SEPTIN7: variants seen among roughly 807,000 people sequenced by gnomAD.
The protein encoded by SEPTIN7 is septin-7.
In SEPTIN7, 10 loss-of-function variants were observed where a neutral mutation model predicts 63.3. The observed-to-expected ratio is 0.16, with a 90% CI of 0.10 to 0.27. The LOEUF (loss-of-function observed/expected upper bound fraction) is 0.27. Ranked by LOEUF, SEPTIN7 falls within the 10% of genes least tolerant of loss-of-function variation. The pLI is 1.00. For synonymous variants in SEPTIN7, 131 were observed against 165.3 expected (o/e 0.79, Z 1.59); for missense variants, 310 against 521.0 (o/e 0.59, Z 3.94).
chr7:35,857,229 T>C (rs1006308402), intron 3 of SEPTIN7, among the ~76,000 whole-genome samples: 5 of 152,150 alleles, frequency 3.3e-5, no homozygotes, highest in African/African-American at 1.2e-4. Flanking sequence ...CAAGAATAAA[T>C]GTGGAGTTGA....
chr7:35,859,115 C>T (rs1334663473), intron 3 of SEPTIN7, among the ~76,000 whole-genome samples: 1 of 151,680 alleles, frequency 6.6e-6, no homozygotes, highest in Non-Finnish European at 1.5e-5. Flanking sequence ...TTTTTAAAAT[C>T]TTCATTTTTA....
At chr7:35,840,680 G>A (rs1425390540) in intron 3 of SEPTIN7, among the ~76,000 whole-genome samples, 1 of 152,052 alleles carries the variant, frequency 6.6e-6, no homozygotes, top group Non-Finnish European at 1.5e-5. Flanking sequence ...TGTATTTGAA[G>A]GTTAGGCTAT....
chr7:35,868,237 G>A (rs1230174059), intron 4 of SEPTIN7, among the ~76,000 whole-genome samples: 1 of 152,080 alleles, frequency 6.6e-6, no homozygotes, highest in African/African-American at 2.4e-5. Flanking sequence ...AGTGAGAAAA[G>A]GTGAAAGCAG....
At chr7:35,812,268 C>G (rs573913470) in intron 1 of SEPTIN7, among the ~76,000 whole-genome samples, 46 of 151,818 alleles carry the variant, frequency 3.0e-4, no homozygotes, top group Non-Finnish European at 3.5e-4. Context: ...GTGCATGGTG[C>G]TGTGCTGTTA....
chr7:35,844,267 A>G (rs940602046), intron 3 of SEPTIN7, among the ~76,000 whole-genome samples: 10 of 152,206 alleles, frequency 6.6e-5, no homozygotes, highest in Middle Eastern at 3.2e-3. Flanking sequence ...AGGAGTTTTT[A>G]TTTAGATTTA....
chr7:35,852,111 T>G (rs1258473173), intron 3 of SEPTIN7, among the ~76,000 whole-genome samples: 1 of 152,210 alleles, frequency 6.6e-6, no homozygotes. Context: ...TACATTTCAT[T>G]GCAACTACCT....
rs551150731 is a variant in SEPTIN7 at position 35,905,996 on chromosome 7, A to G, written c.*1703A>G. 6 of 152,338 alleles carry G rather than the reference A, an allele frequency of 3.9e-5. No individual in the cohort carries two copies. Among genetic ancestry groups the G allele is most frequent in the Admixed American group, 6.5e-5 (1 of 15,302 alleles). The allele number at this position is 152,338 out of a possible 1,614,324, so 9.4% of individuals were successfully genotyped here. A position where few individuals can be genotyped will look rare whatever the true frequency, so the allele number is the denominator to read the frequency against. On this transcript the variant is annotated 3_prime_UTR_variant, in exon 14 of 14. Coordinates refer to ENST00000350320, the MANE Select transcript of SEPTIN7 (RefSeq NM_001788.6). ...AAGCGGAGGGAATAATTATAAGTCAATAGCAGAGAGATTGTTGTTTGGGTG... is the reference window on the plus strand; with the variant it reads ...AAGCGGAGGGAATAATTATAAGTCAGTAGCAGAGAGATTGTTGTTTGGGTG...
chr7:35,856,695 C>A (rs1050423709), intron 3 of SEPTIN7, among the ~76,000 whole-genome samples: 4 of 152,142 alleles, frequency 2.6e-5, no homozygotes. Context: ...GGATCATTTC[C>A]CCTGTGGCAT....
chr7:35,892,798 T>A (rs1787726621), intron 11 of SEPTIN7, among the ~76,000 whole-genome samples: 1 of 152,116 alleles, frequency 6.6e-6, no homozygotes, highest in Admixed American at 6.5e-5. Context: ...TGGAAATATA[T>A]CTCTTAAAGA....
intron 4 of SEPTIN7, among the ~76,000 whole-genome samples, chr7:35,867,044 T>A (rs1220980854): frequency 6.6e-6 from 1 of 152,168 alleles, no homozygotes; most frequent in African/African-American, 2.4e-5. Flanking sequence ...GCAAACTGGT[T>A]TTATCCTGTG....
intron 7 of SEPTIN7, among the ~76,000 whole-genome samples, chr7:35,880,538 C>G (rs1193501594): frequency 6.6e-6 from 1 of 151,906 alleles, no homozygotes; most frequent in Non-Finnish European, 1.5e-5. Context: ...AACATCTGCT[C>G]AAATCCTTTG....
intron 3 of SEPTIN7, chr7:35,846,830 C>G (rs1330846615): frequency 6.6e-6 from 1 of 152,364 alleles, no homozygotes; most frequent in Admixed American, 6.6e-5. Context: ...CCAAGGGGGC[C>G]CATAACTCCA....
chr7:35,910,064 C>T (rs1788713164), downstream of SEPTIN7, among the ~76,000 whole-genome samples: 1 of 152,198 alleles, frequency 6.6e-6, no homozygotes, highest in South Asian at 2.1e-4. Context: ...CCACATGGAC[C>T]TCTCCACAGG....
chr7:35,880,008 G>T, intron 7 of SEPTIN7, 68 bp downstream of exon 7: 1 of 828,588 alleles, frequency 1.2e-6, no homozygotes, highest in Non-Finnish European at 2.0e-6. Context: ...ACTATTTTTA[G>T]TATAATGTGT....
chr7:35,859,789 T>C (rs1220521466), intron 3 of SEPTIN7, among the ~76,000 whole-genome samples: 1 of 152,232 alleles, frequency 6.6e-6, no homozygotes, highest in African/African-American at 2.4e-5. Flanking sequence ...TTGTCTGATA[T>C]TAGTGTGGCT....
chr7:35,894,723 C>T (rs951014729), intron 11 of SEPTIN7, among the ~76,000 whole-genome samples: 10 of 152,110 alleles, frequency 6.6e-5, no homozygotes, highest in African/African-American at 7.2e-5. Context: ...CACATAGTGA[C>T]CTACTAACCA....
rs1787924756 is a variant in SEPTIN7 at position 35,801,136 on chromosome 7, G to GGAATCGGCGTAGGCGCCTTTGGA, written c.-64_-42dup. 1 of 1,282,166 alleles carries GGAATCGGCGTAGGCGCCTTTGGA rather than the reference G, an allele frequency of 7.8e-7. No homozygotes were observed. Among genetic ancestry groups the GGAATCGGCGTAGGCGCCTTTGGA allele is most frequent in the East Asian group, 3.1e-5 (1 of 32,156 alleles). The allele number at this position is 1,282,166 out of a possible 1,614,324, so 79.4% of individuals were successfully genotyped here. A position where few individuals can be genotyped will look rare whatever the true frequency, so the allele number is the denominator to read the frequency against. ...CAGCTACGCCGGGCGGCTACGCTGC[G>GGAATCGGCGTAGGCGCCTTTGGA]GAATCGGCGTAGGCGCCTTTGGAGA... On this transcript the variant is annotated 5_prime_UTR_variant, in exon 1 of 14. Transcript: ENST00000350320.
At chr7:35,809,587 C>G (rs1186320309) in intron 1 of SEPTIN7, among the ~76,000 whole-genome samples, 1 of 152,122 alleles carries the variant, frequency 6.6e-6, no homozygotes, top group Non-Finnish European at 1.5e-5. Context: ...AGTGAAAGTT[C>G]AAAGCAGGAT....
At chr7:35,861,201 A>G (rs183535394) in intron 3 of SEPTIN7, among the ~76,000 whole-genome samples, 1 of 151,648 alleles carries the variant, frequency 6.6e-6, no homozygotes, top group East Asian at 1.9e-4. Context: ...TATTTTCCTG[A>G]TTTCCCTTCA....
Sources: allele counts gnomAD v4.1 joint callset (sites outside exome capture counted in the v4.1 genomes callset), GRCh38; gene constraint gnomAD v4.1.1; transcripts MANE v1.5; gene names NCBI Gene and HGNC (gene_info 2026-07-23, HGNC 2026-07-21).